ZNF385D: variants seen among roughly 807,000 people sequenced by gnomAD.
ZNF385D encodes the protein zinc finger protein 659.
Under a neutral mutation model 35.8 loss-of-function variants are expected in ZNF385D, and 15 were observed. That is an observed-to-expected ratio of 0.42 (90% CI 0.28 to 0.64). The LOEUF is 0.64. Among genes scored for constraint, ZNF385D ranks in the 30% least tolerant of loss-of-function variants. ZNF385D has a pLI of 0.23. For synonymous variants in ZNF385D, 212 were observed against 186.8 expected (o/e 1.13, Z -1.10); for missense variants, 474 against 494.6 (o/e 0.96, Z 0.39).
chr3:22,353,590 T>G (rs1696015284), intron 2 of ZNF385D, among the ~76,000 whole-genome samples: 1 of 152,132 alleles, frequency 6.6e-6, no homozygotes, highest in African/African-American at 2.4e-5. Flanking sequence ...CTATCCCCCC[T>G]TCCTTGTTGC....
intron 3 of ZNF385D, among the ~76,000 whole-genome samples, chr3:22,094,987 T>C (rs1235773910): frequency 1.3e-5 from 2 of 151,934 alleles, no homozygotes; most frequent in Non-Finnish European, 2.9e-5. Flanking sequence ...AGCTCACTGT[T>C]ACCTTAAACT....
At chr3:21,598,843 C>A (rs1195571688) in intron 2 of ZNF385D, among the ~76,000 whole-genome samples, 1 of 152,136 alleles carries the variant, frequency 6.6e-6, no homozygotes, top group Non-Finnish European at 1.5e-5. Flanking sequence ...CTTATTTACT[C>A]AATTTTTAAA....
chr3:21,756,528 T>C (rs2070348223), intron 3 of ZNF385D, among the ~76,000 whole-genome samples: 3 of 152,124 alleles, frequency 2.0e-5, no homozygotes, highest in African/African-American at 7.2e-5. Flanking sequence ...TTGGGATTCA[T>C]ATTTAAATTT....
chr3:21,633,293 T>C (rs1322226627), intron 2 of ZNF385D, among the ~76,000 whole-genome samples: 1 of 152,096 alleles, frequency 6.6e-6, no homozygotes, highest in Non-Finnish European at 1.5e-5. Context: ...ACTTGGATTA[T>C]ACAAGCCAAA....
intron 3 of ZNF385D, among the ~76,000 whole-genome samples, chr3:21,961,711 T>C (rs12489517): frequency 0.25 from 38,109 of 152,042 alleles, 5,200 homozygotes; most frequent in East Asian, 0.32. Flanking sequence ...TGCATCCATA[T>C]AGGATTCTAA....
chr3:21,814,111 T>A (rs1240373341), intron 3 of ZNF385D, among the ~76,000 whole-genome samples: 1 of 152,052 alleles, frequency 6.6e-6, no homozygotes, highest in East Asian at 1.9e-4. Flanking sequence ...GCTTCATAAG[T>A]GAAGGAGAAA....
At chr3:22,070,360 T>C (rs577226990) in intron 3 of ZNF385D, among the ~76,000 whole-genome samples, 40 of 152,172 alleles carry the variant, frequency 2.6e-4, no homozygotes, top group Non-Finnish European at 5.1e-4. Flanking sequence ...CGGATGCCTA[T>C]GAAGTAACCC....
At chr3:22,366,619 T>C (rs1322294035) in intron 2 of ZNF385D, among the ~76,000 whole-genome samples, 1 of 152,210 alleles carries the variant, frequency 6.6e-6, no homozygotes, top group Admixed American at 6.5e-5. Flanking sequence ...TAAAAGATGA[T>C]TGTGGTAGAC....
intron 1 of ZNF385D, among the ~76,000 whole-genome samples, chr3:21,673,255 A>T (rs2066628797): frequency 6.6e-6 from 1 of 151,980 alleles, no homozygotes; most frequent in Admixed American, 6.6e-5. Context: ...TTAGTACAAT[A>T]AAAAAAATTC....
intron 3 of ZNF385D, among the ~76,000 whole-genome samples, chr3:22,089,217 C>G (rs112247451): frequency 2.5e-4 from 38 of 152,264 alleles, no homozygotes; most frequent in African/African-American, 8.2e-4. Context: ...AGCAAAAATA[C>G]TCTCCTACTT....
chr3:21,499,263 T>C (rs1706177137), intron 4 of ZNF385D, among the ~76,000 whole-genome samples: 1 of 151,938 alleles, frequency 6.6e-6, no homozygotes, highest in Non-Finnish European at 1.5e-5. Context: ...ATAAGGAAAA[T>C]TTGGTACATA....
intron 2 of ZNF385D, among the ~76,000 whole-genome samples, chr3:21,570,190 A>C (rs2063293704): frequency 1.3e-5 from 2 of 152,170 alleles, no homozygotes; most frequent in Non-Finnish European, 2.9e-5. Context: ...GCTAAAATTC[A>C]ATTTCAAACT....
intron 3 of ZNF385D, among the ~76,000 whole-genome samples, chr3:21,947,589 A>C (rs1701854872): frequency 6.6e-6 from 1 of 152,036 alleles, no homozygotes; most frequent in East Asian, 1.9e-4. Context: ...TGACCTCACG[A>C]ACCGCCCACA....
chr3:22,061,018 G>C (rs1699660050), intron 3 of ZNF385D, among the ~76,000 whole-genome samples: 1 of 151,994 alleles, frequency 6.6e-6, no homozygotes, highest in African/African-American at 2.4e-5. Context: ...TGATAATCAT[G>C]GATATTTAAA....
chr3:22,360,259 G>A (rs549131633), intron 2 of ZNF385D, among the ~76,000 whole-genome samples: 5 of 152,004 alleles, frequency 3.3e-5, no homozygotes, highest in Admixed American at 6.6e-5. Flanking sequence ...TGGTACTTAC[G>A]TTCTTTTAGG....
chr3:22,127,959 A>C (rs899537234), intron 3 of ZNF385D, among the ~76,000 whole-genome samples: 1 of 152,170 alleles, frequency 6.6e-6, no homozygotes, highest in Admixed American at 6.6e-5. Flanking sequence ...CTGTCTGTGT[A>C]CTTAATATTA....
chr3:22,327,940 A>G (rs779240637), intron 2 of ZNF385D, among the ~76,000 whole-genome samples: 3 of 152,236 alleles, frequency 2.0e-5, no homozygotes, highest in Non-Finnish European at 4.4e-5. Context: ...AACATCTATC[A>G]TCTGGAAGAA....
intron 4 of ZNF385D, among the ~76,000 whole-genome samples, chr3:21,492,064 G>A (rs1438951986): frequency 6.6e-6 from 1 of 151,972 alleles, no homozygotes; most frequent in Non-Finnish European, 1.5e-5. Context: ...GTGCCCAAAA[G>A]CAAATACACT....
intron 2 of ZNF385D, among the ~76,000 whole-genome samples, chr3:22,243,584 A>G (rs1699608812): frequency 6.6e-6 from 1 of 151,124 alleles, no homozygotes; most frequent in Non-Finnish European, 1.5e-5. Context: ...TTAGCCTGCT[A>G]TTATGACAAT....
Sources: allele counts gnomAD v4.1 joint callset (sites outside exome capture counted in the v4.1 genomes callset), GRCh38; gene constraint gnomAD v4.1.1; transcripts MANE v1.5; gene names NCBI Gene and HGNC (gene_info 2026-07-23, HGNC 2026-07-21).